Variants in CCDC60 observed in about 807,000 individuals in gnomAD.
CCDC60 encodes the protein coiled-coil domain-containing protein 60.
CCDC60 carries 54 observed loss-of-function variants against 63.5 expected under a neutral mutation model. The observed-to-expected ratio is 0.85, with a 90% CI of 0.68 to 1.07. The LOEUF is 1.07. Among genes scored for constraint, CCDC60 ranks in the 50% least tolerant of loss-of-function variants. The pLI, the probability that CCDC60 is intolerant of heterozygous loss-of-function variation, is 0.00. For missense variants in CCDC60, 651 were observed against 684.3 expected, an observed-to-expected ratio of 0.95 and a Z score of 0.54; for synonymous variants, 206 against 238.8, an observed-to-expected ratio of 0.86 and a Z score of 1.27.
At chr12:119,519,429 G>GCA (rs1321499208) in intron 8 of CCDC60, among the ~76,000 whole-genome samples, 4 of 134,080 alleles carry the variant, frequency 3.0e-5, no homozygotes, top group African/African-American at 1.2e-4. Context: ...GTGTGTGTGT[G>GCA]TGTGTGCGCG....
intron 1 of CCDC60, among the ~76,000 whole-genome samples, chr12:119,365,644 T>C (rs1955833373): frequency 6.6e-6 from 1 of 152,180 alleles, no homozygotes; most frequent in Non-Finnish European, 1.5e-5. Flanking sequence ...GCAAGATAAA[T>C]AGAACTGCCA....
chr12:119,476,221 T>G (rs752232167), intron 3 of CCDC60, among the ~76,000 whole-genome samples: 36 of 152,132 alleles, frequency 2.4e-4, no homozygotes, highest in Middle Eastern at 3.2e-3. Flanking sequence ...AGTGACCTCA[T>G]TTTTCAGCTG....
intron 2 of CCDC60, among the ~76,000 whole-genome samples, chr12:119,468,364 T>C (rs1401849276): frequency 6.6e-6 from 1 of 152,188 alleles, no homozygotes; most frequent in Non-Finnish European, 1.5e-5. Context: ...TACTAAGTGA[T>C]AACAGGTTAC....
At chr12:119,520,065 T>C in intron 8 of CCDC60, 56 bp from the exon 9 acceptor site, 1 of 1,492,910 alleles carries the variant, frequency 6.7e-7, no homozygotes, top group Non-Finnish European at 9.3e-7. Context: ...ATGTAGTTAC[T>C]GCACAAAATC....
At chr12:119,392,118 G>T (rs900464197) in intron 1 of CCDC60, among the ~76,000 whole-genome samples, 5 of 152,120 alleles carry the variant, frequency 3.3e-5, no homozygotes, top group African/African-American at 1.2e-4. Flanking sequence ...CTAGAGAAAG[G>T]GGTGTCCTGT....
chr12:119,391,830 G>A (rs906006879), intron 1 of CCDC60, among the ~76,000 whole-genome samples: 3 of 152,144 alleles, frequency 2.0e-5, no homozygotes, highest in African/African-American at 7.2e-5. Context: ...AAAAATGCTT[G>A]GTCTGAAGTG....
At chr12:119,370,465 C>T (rs533746230) in intron 1 of CCDC60, among the ~76,000 whole-genome samples, 1 of 152,294 alleles carries the variant, frequency 6.6e-6, no homozygotes, top group South Asian at 2.1e-4. Flanking sequence ...ATTTGCAAGG[C>T]AACAATCCCA....
chr12:119,370,831 C>T (rs1955890149), intron 1 of CCDC60, among the ~76,000 whole-genome samples: 1 of 152,038 alleles, frequency 6.6e-6, no homozygotes, highest in African/African-American at 2.4e-5. Flanking sequence ...AGTTTGAGAC[C>T]AGCCTGGGCA....
At chr12:119,468,970 A>G (rs1222379972) in intron 2 of CCDC60, among the ~76,000 whole-genome samples, 1 of 151,836 alleles carries the variant, frequency 6.6e-6, no homozygotes, top group African/African-American at 2.4e-5. Flanking sequence ...AATTTTTAAG[A>G]AAAGCTCCTT....
chr12:119,520,970 CT>C (rs1252791370), intron 9 of CCDC60, among the ~76,000 whole-genome samples: 1 of 152,176 alleles, frequency 6.6e-6, no homozygotes, highest in Non-Finnish European at 1.5e-5. Context: ...GGGTTATAAA[CT>C]TTTATGTGCC....
intron 1 of CCDC60, among the ~76,000 whole-genome samples, chr12:119,396,213 C>T (rs1182715897): frequency 6.6e-6 from 1 of 152,202 alleles, no homozygotes; most frequent in East Asian, 1.9e-4. Context: ...GCTGGGACTA[C>T]AAGCGTGAGC....
chr12:119,409,873 C>T (rs1956561641), intron 1 of CCDC60, among the ~76,000 whole-genome samples: 2 of 150,846 alleles, frequency 1.3e-5, no homozygotes, highest in Admixed American at 1.3e-4. Flanking sequence ...CTTTCTCTCT[C>T]TCTGCCCTCT....
intron 1 of CCDC60, among the ~76,000 whole-genome samples, chr12:119,360,174 C>T (rs1385515244): frequency 6.7e-6 from 1 of 148,768 alleles, no homozygotes; most frequent in Non-Finnish European, 1.5e-5. Flanking sequence ...TGACCCCCCC[C>T]CACCTCCCTC....
intron 1 of CCDC60, among the ~76,000 whole-genome samples, chr12:119,354,106 C>T (rs761607697): frequency 1.1e-4 from 17 of 151,866 alleles, no homozygotes; most frequent in Admixed American, 3.9e-4. Flanking sequence ...TTCCTTTCTT[C>T]TCCATTTCTC....
At chr12:119,530,057 G>C (rs1952794012) in intron 12 of CCDC60, among the ~76,000 whole-genome samples, 1 of 152,170 alleles carries the variant, frequency 6.6e-6, no homozygotes, top group Non-Finnish European at 1.5e-5. Context: ...GAGTTAGGCA[G>C]TATTCTAGCA....
intron 9 of CCDC60, among the ~76,000 whole-genome samples, chr12:119,520,701 CCTG>C (rs1303195628): frequency 2.6e-5 from 4 of 151,948 alleles, no homozygotes; most frequent in African/African-American, 9.7e-5. Context: ...ACCACCATGC[CCTG>C]CTAATTTTTG....
At chr12:119,507,604 A>T (rs1169353988) in intron 7 of CCDC60, among the ~76,000 whole-genome samples, 2,441 of 25,062 alleles carry the variant, frequency 0.097, 327 homozygotes, top group East Asian at 0.37. Flanking sequence ...ATATATATAT[A>T]TATATATATA....
At chr12:119,408,590 G>A (rs1222170685) in intron 1 of CCDC60, among the ~76,000 whole-genome samples, 1 of 152,182 alleles carries the variant, frequency 6.6e-6, no homozygotes, top group Admixed American at 6.5e-5. Context: ...TTGGGAGGCC[G>A]AGGTGGGTGG....
chr12:119,381,296 A>G (rs1378079187), intron 1 of CCDC60, among the ~76,000 whole-genome samples: 1 of 152,170 alleles, frequency 6.6e-6, no homozygotes, highest in Non-Finnish European at 1.5e-5. Flanking sequence ...CTTTGGCTCA[A>G]TATCTCCATT....
Sources: allele counts gnomAD v4.1 joint callset (sites outside exome capture counted in the v4.1 genomes callset), GRCh38; gene constraint gnomAD v4.1.1; transcripts MANE v1.5; gene names NCBI Gene and HGNC (gene_info 2026-07-23, HGNC 2026-07-21).